PLCB1: variants seen among roughly 807,000 people sequenced by gnomAD.
PLCB1 encodes the protein 1-phosphatidylinositol 4,5-bisphosphate phosphodiesterase beta-1.
In PLCB1, 46 loss-of-function variants were observed where a neutral mutation model predicts 161.8. The observed-to-expected ratio is 0.28, with a 90% CI of 0.22 to 0.36. The LOEUF is 0.36. Among genes scored for constraint, PLCB1 ranks in the 10% least tolerant of loss-of-function variants. The pLI is 1.00. For missense variants in PLCB1, 1,016 were observed against 1,472.5 expected (o/e 0.69, Z 5.07); for synonymous variants, 517 against 503.7 (o/e 1.03, Z -0.35).
chr20:8,633,579 A>C (rs1361378420), intron 4 of PLCB1, among the ~76,000 whole-genome samples: 5 of 152,204 alleles, frequency 3.3e-5, no homozygotes, highest in Admixed American at 3.3e-4. Context: ...CAACATAAAA[A>C]GAATCAGAAA....
At chr20:8,255,233 GAACAT>G (rs1451524006) in intron 2 of PLCB1, among the ~76,000 whole-genome samples, 1 of 152,036 alleles carries the variant, frequency 6.6e-6, no homozygotes, top group East Asian at 1.9e-4. Flanking sequence ...CAGTGCAATA[GAACAT>G]AACAGAATAT....
intron 31 of PLCB1, among the ~76,000 whole-genome samples, chr20:8,830,638 C>T (rs187128341): frequency 5.3e-5 from 8 of 152,104 alleles, no homozygotes; most frequent in East Asian, 1.9e-4. Context: ...TTTATGTATC[C>T]GATCAAGTAC....
chr20:8,657,165 C>T lies in PLCB1; in HGVS notation c.595-19C>T. 7.0e-7 allele frequency: 1 copy of T among 1,420,730 alleles called. No individual in the cohort carries two copies. The allele number at this position is 1,420,730 out of a possible 1,614,324, so 88.0% of individuals were successfully genotyped here. On this transcript the variant is annotated intron_variant, in intron 7 of 31. Transcript: ENST00000338037. ...GAAGGAAAAAGACCATTTGCTGACT[C>T]CGTTGTTTTATTTCCCAGAATGATT...
chr20:8,445,849 G>A lies in PLCB1; in HGVS notation c.246+74399G>A, dbSNP rs933145714. 5.3e-5 allele frequency among the ~76,000 whole-genome samples: 8 copies of A among 152,158 alleles called. 1 individual carries two copies. The highest frequency in any genetic ancestry group is 1.7e-4 in the African/African-American group (7 of 41,520). On this transcript the variant is annotated intron_variant, in intron 3 of 31. Transcript: ENST00000338037. ...TCACTCATGATTTGGCTCTCTGTTTGTCTGTTATTGGTGTATAAGAATGCT... is the reference window on the plus strand; with the variant it reads ...TCACTCATGATTTGGCTCTCTGTTTATCTGTTATTGGTGTATAAGAATGCT...
intron 3 of PLCB1, among the ~76,000 whole-genome samples, chr20:8,527,592 G>A (rs1259531460): frequency 6.6e-6 from 1 of 152,024 alleles, no homozygotes; most frequent in South Asian, 2.1e-4. Flanking sequence ...CATTTTATGG[G>A]ATTAATGTCA....
At chr20:8,633,793 C>T (rs1370030517) in intron 4 of PLCB1, among the ~76,000 whole-genome samples, 6 of 152,084 alleles carry the variant, frequency 3.9e-5, no homozygotes, top group Non-Finnish European at 5.9e-5. Flanking sequence ...CCTAGATATC[C>T]ACCCTACTAA....
intron 31 of PLCB1, among the ~76,000 whole-genome samples, chr20:8,846,086 G>A (rs1986680786): frequency 6.6e-6 from 1 of 152,174 alleles, no homozygotes; most frequent in South Asian, 2.1e-4. Flanking sequence ...AAGAAAAGAG[G>A]TTTAATTGGC....
intron 9 of PLCB1, among the ~76,000 whole-genome samples, chr20:8,672,893 C>T (rs117605969): frequency 0.017 from 2,532 of 152,042 alleles, 49 homozygotes; most frequent in African/African-American, 0.049. Flanking sequence ...GGGTGGATAA[C>T]TTGAGATCAG....
chr20:8,491,219 A>G (rs1167306252), intron 3 of PLCB1, among the ~76,000 whole-genome samples: 1 of 152,024 alleles, frequency 6.6e-6, no homozygotes, highest in East Asian at 1.9e-4. Context: ...ATATTGAGTC[A>G]TTCCATCTAT....
intron 3 of PLCB1, among the ~76,000 whole-genome samples, chr20:8,510,199 G>A (rs117149916): frequency 0.015 from 2,340 of 152,174 alleles, 28 homozygotes; most frequent in Non-Finnish European, 0.024. Context: ...GATAATTTTA[G>A]TGAATAAAGT....
chr20:8,720,627 C>G (rs1490178324), intron 14 of PLCB1, among the ~76,000 whole-genome samples: 1 of 151,702 alleles, frequency 6.6e-6, no homozygotes, highest in Non-Finnish European at 1.5e-5. Context: ...TATAGTTCAA[C>G]AAGATTCCCC....
intron 26 of PLCB1, among the ~76,000 whole-genome samples, chr20:8,767,312 C>A (rs1982372726): frequency 6.6e-6 from 1 of 152,186 alleles, no homozygotes; most frequent in South Asian, 2.1e-4. Flanking sequence ...GGTCCACAGA[C>A]TTTCCACTGA....
intron 31 of PLCB1, among the ~76,000 whole-genome samples, chr20:8,805,922 A>G (rs887146420): frequency 6.6e-6 from 1 of 152,326 alleles, no homozygotes; most frequent in Non-Finnish European, 1.5e-5. Context: ...TTAAAGAAGC[A>G]TATCTCTTTG....
chr20:8,683,526 T>C (rs1381341646), intron 9 of PLCB1, among the ~76,000 whole-genome samples: 1 of 152,140 alleles, frequency 6.6e-6, no homozygotes, highest in African/African-American at 2.4e-5. Context: ...ATACTTAAGA[T>C]GATCCTATGT....
intron 3 of PLCB1, among the ~76,000 whole-genome samples, chr20:8,541,541 C>G (rs1425873214): frequency 1.9e-5 from 1 of 53,880 alleles, no homozygotes; most frequent in Non-Finnish European, 3.6e-5. Flanking sequence ...ACCAAGAAAC[C>G]CAGATAATGA....
chr20:8,154,283 A>G (rs1238424486), intron 2 of PLCB1, among the ~76,000 whole-genome samples: 3 of 152,206 alleles, frequency 2.0e-5, no homozygotes, highest in Non-Finnish European at 4.4e-5. Flanking sequence ...ATGTGTATGT[A>G]TCACATTCTT....
At chr20:8,266,536 C>T (rs1022655229) in intron 2 of PLCB1, among the ~76,000 whole-genome samples, 5 of 152,158 alleles carry the variant, frequency 3.3e-5, no homozygotes, top group Non-Finnish European at 7.3e-5. Flanking sequence ...CAAGAGCAAG[C>T]GTAGGAGGGA....
At chr20:8,248,383 T>C (rs1980985521) in intron 2 of PLCB1, among the ~76,000 whole-genome samples, 1 of 151,866 alleles carries the variant, frequency 6.6e-6, no homozygotes, top group Non-Finnish European at 1.5e-5. Flanking sequence ...CTGCTACAGA[T>C]ACTGCTGCAG....
chr20:8,684,738 A>G (rs1019564969), intron 9 of PLCB1, among the ~76,000 whole-genome samples, 194 bp from the exon 10 acceptor site: 2 of 152,012 alleles, frequency 1.3e-5, no homozygotes, highest in Non-Finnish European at 2.9e-5. Context: ...ATGTAACTAC[A>G]TGTTTTCTCT....
Sources: gnomAD v4.1 joint callset for allele counts (sites outside exome capture counted in the v4.1 genomes callset) on GRCh38, gnomAD v4.1.1 for gene constraint, MANE v1.5 for transcripts, NCBI Gene and HGNC (gene_info 2026-07-23, HGNC 2026-07-21) for gene names.